The following CMC4 variants were observed in gnomAD, a reference collection of about 807,000 sequenced individuals.
CMC4 encodes C-X9-C motif containing 4, also known as cx9C motif-containing protein 4.
Under a neutral mutation model 5.1 loss-of-function variants are expected in CMC4, and 4 were observed. The ratio of observed to expected loss-of-function variants is 0.78; its 90% CI spans 0.38 to 1.78. CMC4 has a LOEUF of 1.78. CMC4 is among the 40% of genes most tolerant of loss of function. The pLI is 0.04. For synonymous variants in CMC4, 23 were observed against 18.9 expected (o/e 1.22, Z -0.57); for missense variants, 52 against 51.3 (o/e 1.01, Z -0.04).
intron 1 of CMC4, chrX:155,065,459 G>C: frequency 8.4e-7 from 1 of 1,184,841 alleles, no homozygotes; most frequent in Non-Finnish European, 1.1e-6. Context: ...AAGAGGGGGA[G>C]GACAGAGGAG....
Position 155,071,096 on chromosome X carries a change from G to A in CMC4, c.-413C>T, listed in dbSNP as rs2073973040. On this transcript the variant is annotated 5_prime_UTR_variant, in exon 1 of 3. Transcript: ENST00000369484. ...GGGCAAAATGGGCGCCGGTACTCGG[G>A]AGGCGCCTGCCCAGGCGCCCGGGCG... is the stretch of plus-strand genomic sequence containing the variant. The A allele has an allele frequency of 9.0e-6, 1 of 111,029 alleles. No individual in the cohort carries two copies. Among genetic ancestry groups the A allele is most frequent in the South Asian group, 3.6e-4 (1 of 2,774 alleles). The allele number at this position is 111,029 out of a possible 1,213,427, so 9.2% of individuals were successfully genotyped here.
chrX:155,066,136 C>G, intron 1 of CMC4: 4 of 479,492 alleles, frequency 8.3e-6, no homozygotes, highest in Non-Finnish European at 1.4e-5. Context: ...TGATCTGGTA[C>G]TAGCAACCAC....
rs191618749 is a variant in CMC4, at chrX:155,065,452, A to G, written c.-10-1419T>C. ...ACAACTGAATAGAGCCAAAACAAAGAGGGGGAGGACAGAGGAGAAATAGAA... is the reference window on the plus strand; with the variant it reads ...ACAACTGAATAGAGCCAAAACAAAGGGGGGGAGGACAGAGGAGAAATAGAA... On this transcript the variant is annotated intron_variant, in intron 1 of 2. Coordinates refer to ENST00000369484, the MANE Select transcript of CMC4 (RefSeq NM_001018024.3). 6 of 1,168,481 alleles carry G rather than the reference A, an allele frequency of 5.1e-6. No individual in the cohort carries two copies. The African/African-American group carries it at 8.9e-5, about 17-fold the overall frequency.
intron 1 of CMC4, chrX:155,066,064 C>T: frequency 1.0e-6 from 1 of 983,604 alleles, no homozygotes; most frequent in Non-Finnish European, 1.4e-6. Flanking sequence ...AAGCCTGCAG[C>T]ACCCGCGCAC....
At chrX:155,065,462 C>T (rs1557291936) in intron 1 of CMC4, 2 of 1,190,801 alleles carry the variant, frequency 1.7e-6, no homozygotes. Context: ...AGGGGGAGGA[C>T]AGAGGAGAAA....
intron 1 of CMC4, chrX:155,066,023 G>A (rs782429477): frequency 6.8e-6 from 8 of 1,179,172 alleles, no homozygotes; most frequent in Non-Finnish European, 8.1e-6. Flanking sequence ...TGGGCTTTGG[G>A]TTCCAATTCT....
At chrX:155,062,242 C>T (rs1230786487) in intron 2 of CMC4, among the ~76,000 whole-genome samples, 1 of 112,254 alleles carries the variant, frequency 8.9e-6, no homozygotes, top group African/African-American at 3.2e-5. Flanking sequence ...AGCATGTATG[C>T]ACCTTTTTCT....
rs1557292401 is a variant in CMC4, at chrX:155,070,691, C to T, written c.-11+3G>A. The T allele has an allele frequency of 8.9e-6, 1 of 112,371 alleles. No individual in the cohort carries two copies. Among genetic ancestry groups the T allele is most frequent in the Non-Finnish European group, 1.9e-5 (1 of 53,214 alleles). The allele number at this position is 112,371 out of a possible 1,213,427, so 9.3% of individuals were successfully genotyped here. A position where few individuals can be genotyped will look rare whatever the true frequency, so the allele number is the denominator to read the frequency against. ...AACACTGTTTCTGCAAAAGGTTACT[C>T]ACATGAATATAATGTTTCTTGGGCT... On this transcript the variant is annotated splice_donor_region_variant and intron_variant, in intron 1 of 2. Coordinates refer to ENST00000369484, the MANE Select transcript of CMC4 (RefSeq NM_001018024.3).
intron 2 of CMC4, among the ~76,000 whole-genome samples, chrX:155,062,853 C>A (rs1248827190): frequency 9.0e-6 from 1 of 111,276 alleles, no homozygotes; most frequent in African/African-American, 3.3e-5. Flanking sequence ...TCTGTTTTCC[C>A]CTTTATGAAA....
At chrX:155,065,525 G>C in intron 1 of CMC4, 1 of 1,211,148 alleles carries the variant, frequency 8.3e-7, no homozygotes, top group East Asian at 3.0e-5. Context: ...AACAGCTCCT[G>C]TACTCCCCTG....
At chrX:155,066,316 G>T (rs1396625041) in intron 1 of CMC4, among the ~76,000 whole-genome samples, 1 of 112,509 alleles carries the variant, frequency 8.9e-6, no homozygotes, top group Non-Finnish European at 1.9e-5. Flanking sequence ...TGGAAATGTA[G>T]GACTAGCACT....
chrX:155,067,810 G>A lies in CMC4; in HGVS notation c.-11+2884C>T, dbSNP rs2073954429. 4.5e-5 allele frequency among the ~76,000 whole-genome samples: 5 copies of A among 112,205 alleles called. No individual in the cohort carries two copies. In the Admixed American group the frequency reaches 4.7e-4, roughly 11 times the overall value. On this transcript the variant is annotated intron_variant, in intron 1 of 2. Transcript: ENST00000369484. Reference sequence around the variant, plus strand: ...AATGTTTCAGTGAACAGGTGTATATGTATGGTGGGTAGGGAAGGGAAACAA... The same window carrying A: ...AATGTTTCAGTGAACAGGTGTATATATATGGTGGGTAGGGAAGGGAAACAA...
chrX:155,065,462 C>G (rs1557291936), intron 1 of CMC4: 1 of 1,190,803 alleles, frequency 8.4e-7, no homozygotes, highest in Admixed American at 2.2e-5. Context: ...AGGGGGAGGA[C>G]AGAGGAGAAA....
chrX:155,061,818 C>T lies in CMC4; in HGVS notation c.*25G>A, dbSNP rs1557291619. 3 of 1,200,337 alleles carry T rather than the reference C, an allele frequency of 2.5e-6. No individual in the cohort carries two copies. The highest frequency in any genetic ancestry group is 3.4e-6 in the Non-Finnish European group (3 of 889,282). On this transcript the variant is annotated 3_prime_UTR_variant, in exon 3 of 3. Transcript: ENST00000369484. ...ATAAAAAAAATTCATTTGGTGGAAA[C>T]ATGGAGCAGCACTTCAGAAGAACTT... is the stretch of plus-strand genomic sequence containing the variant.
intron 2 of CMC4, among the ~76,000 whole-genome samples, chrX:155,062,864 T>C (rs782024984): frequency 1.9e-4 from 21 of 111,452 alleles, no homozygotes; most frequent in African/African-American, 5.5e-4. Flanking sequence ...CTTTATGAAA[T>C]GGGGGTCATA....
At chrX:155,064,504 A>C (rs983214022) in intron 1 of CMC4, 6 of 111,745 alleles carry the variant, frequency 5.4e-5, no homozygotes, top group African/African-American at 1.9e-4. Flanking sequence ...AATACATGGT[A>C]GCTATTATTC....
intron 1 of CMC4, among the ~76,000 whole-genome samples, chrX:155,068,582 CA>C (rs2073957739): frequency 8.9e-6 from 1 of 112,292 alleles, no homozygotes; most frequent in African/African-American, 3.2e-5. Flanking sequence ...GGATTCAGAT[CA>C]AAGCCTATAC....
chrX:155,069,433 A>T (rs1220967103), intron 1 of CMC4, among the ~76,000 whole-genome samples: 2 of 112,435 alleles, frequency 1.8e-5, no homozygotes, highest in Non-Finnish European at 3.8e-5. Context: ...GAATTAAAGA[A>T]CATATTAATC....
At chrX:155,066,922 T>C (rs1557292064) in intron 1 of CMC4, among the ~76,000 whole-genome samples, 1 of 111,953 alleles carries the variant, frequency 8.9e-6, no homozygotes, top group Non-Finnish European at 1.9e-5. Context: ...TAGGGCAAAC[T>C]CTATAACGAT....
Sources: allele counts gnomAD v4.1 joint callset (sites outside exome capture counted in the v4.1 genomes callset), GRCh38; gene constraint gnomAD v4.1.1; transcripts MANE v1.5; gene names NCBI Gene and HGNC (gene_info 2026-07-23, HGNC 2026-07-21).